Variants in ITGB5 observed in about 807,000 individuals in gnomAD.
ITGB5 encodes integrin beta-5.
ITGB5 carries 38 observed loss-of-function variants against 84.8 expected under a neutral mutation model. The ratio of observed to expected loss-of-function variants is 0.45; its 90% CI spans 0.35 to 0.59. ITGB5 has a LOEUF of 0.59. ITGB5 is among the 20% of genes least tolerant of loss of function. ITGB5 has a pLI of 0.01. For missense variants in ITGB5, 905 were observed against 1,034.5 expected, an observed-to-expected ratio of 0.87 and a Z score of 1.72; for synonymous variants, 393 against 414.4, an observed-to-expected ratio of 0.95 and a Z score of 0.63.
At position 124,772,911 on chromosome 3, in the gene ITGB5, C is replaced by CTTTTTTTTT. The variant is rs35802279; in HGVS notation, c.1916+770_1916+778dup. Among the ~76,000 whole-genome samples the CTTTTTTTTT allele has an allele frequency of 1.6e-5, 2 of 127,328 alleles. 1 individual carries two copies. Among genetic ancestry groups the CTTTTTTTTT allele is most frequent in the Non-Finnish European group, 3.3e-5 (2 of 61,144 alleles). 83.5% of individuals were successfully genotyped at this position (127,328 alleles called of 152,430 possible). On this transcript the variant is annotated intron_variant, in intron 11 of 14. Transcript: ENST00000296181. ...GTCGGGTGCCTTTCTCTCCAATTTA[C>CTTTTTTTTT]TTTTTTTTTTTTTTTTTTTTGAGAC...
chr3:124,809,144 T>G lies in ITGB5; in HGVS notation c.1141A>C (p.Lys381Gln). ...TGATCCCAGACTGACAACTCCACTT[T>G]AGACCGGATACTCTGAATGGAGAGA... Reference protein sequence around the residue: ...IINAYNSIRSKVELSVWDQPE... With the variant: ...IINAYNSIRSQVELSVWDQPE... The change falls in exon 9 of 15, where the codon AAA becomes CAA. Residue 381 changes from lysine to glutamine, a missense_variant. Physicochemically the swap from Lys to Gln is moderately conservative, Grantham distance 53 (BLOSUM62 1). Coordinates refer to ENST00000296181, the MANE Select transcript of ITGB5 (RefSeq NM_002213.5). 1.2e-6 allele frequency: 2 copies of G among 1,614,094 alleles called. No homozygotes were observed. The highest frequency in any genetic ancestry group is 1.7e-6 in the Non-Finnish European group (2 of 1,180,004).
intron 1 of ITGB5, 58 bp downstream of exon 1, chr3:124,886,873 C>A (rs1232629961): frequency 1.2e-5 from 13 of 1,109,864 alleles, no homozygotes; most frequent in Non-Finnish European, 1.5e-5. Flanking sequence ...CCGAGACGCC[C>A]GCCCGCGGCT....
Position 124,799,484 on chromosome 3 carries a change from C to T in ITGB5, c.1264-2667G>A, listed in dbSNP as rs529567907. On this transcript the variant is annotated intron_variant, in intron 9 of 14. Transcript: ENST00000296181. ...CTGAGGTGGGAGGATGGCTTGAGCCCGGGAGGGGGAGGTTGCAGTGAGCCG... is the reference window on the plus strand; with the variant it reads ...CTGAGGTGGGAGGATGGCTTGAGCCTGGGAGGGGGAGGTTGCAGTGAGCCG... Among the ~76,000 whole-genome samples, 279 of 152,078 alleles carry T rather than the reference C, an allele frequency of 1.8e-3. 3 individuals are homozygous for T. Among genetic ancestry groups the T allele is most frequent in the Non-Finnish European group, 4.0e-4 (27 of 68,000 alleles).
intron 9 of ITGB5, among the ~76,000 whole-genome samples, chr3:124,806,533 A>G (rs2064406946): frequency 7.1e-6 from 1 of 141,536 alleles, no homozygotes; most frequent in Non-Finnish European, 1.5e-5. Flanking sequence ...TCCCGGGTTC[A>G]TGCCATTCTC....
At chr3:124,843,386 C>T (rs16836087) in intron 4 of ITGB5, among the ~76,000 whole-genome samples, 3,697 of 152,158 alleles carry the variant, frequency 0.024, 163 homozygotes, top group African/African-American at 0.084. Context: ...CGGTTGGTTG[C>T]GGACAGGGAG....
chr3:124,824,268 G>C (rs953560829), intron 5 of ITGB5, among the ~76,000 whole-genome samples: 1 of 152,162 alleles, frequency 6.6e-6, no homozygotes, highest in African/African-American at 2.4e-5. Flanking sequence ...GGGATAGATA[G>C]AGCAAAAATA....
intron 10 of ITGB5, among the ~76,000 whole-genome samples, chr3:124,782,264 C>G (rs781132228): frequency 6.6e-6 from 1 of 152,152 alleles, no homozygotes; most frequent in East Asian, 1.9e-4. Context: ...TGATCCAAAA[C>G]CACACAGCAG....
At chr3:124,814,994 G>A (rs1292552711) in intron 8 of ITGB5, among the ~76,000 whole-genome samples, 1 of 152,136 alleles carries the variant, frequency 6.6e-6, no homozygotes, top group African/African-American at 2.4e-5. Context: ...CTCCTCTCCT[G>A]GCCTCTGCCT....
At chr3:124,870,367 G>A (rs1933939512) in intron 2 of ITGB5, among the ~76,000 whole-genome samples, 1 of 152,230 alleles carries the variant, frequency 6.6e-6, no homozygotes, top group African/African-American at 2.4e-5. Context: ...GCCATCCAGT[G>A]AAATCCTTTG....
At chr3:124,803,717 CGGCACT>C (rs1559941865) in intron 9 of ITGB5, among the ~76,000 whole-genome samples, 2 of 152,152 alleles carry the variant, frequency 1.3e-5, no homozygotes, top group Non-Finnish European at 2.9e-5. Flanking sequence ...GCTCAGTCAG[CGGCACT>C]CTCCCGTGGA....
chr3:124,827,862 A>C (rs2064805086), intron 5 of ITGB5, among the ~76,000 whole-genome samples: 1 of 152,060 alleles, frequency 6.6e-6, no homozygotes, highest in South Asian at 2.1e-4. Flanking sequence ...CTCCTCGCTC[A>C]TCCTGGCTCA....
intron 10 of ITGB5, among the ~76,000 whole-genome samples, chr3:124,785,690 T>G (rs2064072657): frequency 2.0e-5 from 3 of 152,102 alleles, no homozygotes; most frequent in Admixed American, 2.0e-4. Flanking sequence ...GCTCTATGTC[T>G]TTCATCAAAT....
chr3:124,852,864 T>C (rs975126582), intron 3 of ITGB5, among the ~76,000 whole-genome samples: 1 of 152,088 alleles, frequency 6.6e-6, no homozygotes, highest in Admixed American at 6.5e-5. Flanking sequence ...ATTTTAAAAT[T>C]ATTAGTAGAG....
intron 10 of ITGB5, among the ~76,000 whole-genome samples, chr3:124,774,903 A>G (rs895812704): frequency 6.6e-6 from 1 of 152,136 alleles, no homozygotes; most frequent in Non-Finnish European, 1.5e-5. Flanking sequence ...TGTCCTTGTT[A>G]TATAAGGGGT....
At chr3:124,823,435 G>A (rs1255215388) in intron 5 of ITGB5, among the ~76,000 whole-genome samples, 1 of 151,778 alleles carries the variant, frequency 6.6e-6, no homozygotes, top group Non-Finnish European at 1.5e-5. Context: ...TTAGGAACCT[G>A]GAGTGAGAAG....
At chr3:124,832,350 TGTGGCTGTAAAACTTTGGGGAA>T in intron 5 of ITGB5, among the ~76,000 whole-genome samples, 1 of 152,390 alleles carries the variant, frequency 6.6e-6, no homozygotes, top group South Asian at 2.1e-4. Flanking sequence ...TGCTGCCTTT[TGTGGCTGTAAAACTTTGGGGAA>T]GTTACTTCAC....
At chr3:124,867,172 T>C (rs1036416042) in intron 2 of ITGB5, among the ~76,000 whole-genome samples, 5 of 152,066 alleles carry the variant, frequency 3.3e-5, no homozygotes, top group Non-Finnish European at 5.9e-5. Context: ...ACTAGTCTTC[T>C]CCCATGCCCG....
At chr3:124,869,988 C>A (rs1933910335) in intron 2 of ITGB5, among the ~76,000 whole-genome samples, 1 of 152,250 alleles carries the variant, frequency 6.6e-6, no homozygotes, top group African/African-American at 2.4e-5. Context: ...GCCTTGTCCA[C>A]AAGTCCTCTC....
At chr3:124,835,317 C>T (rs1383800992) in intron 5 of ITGB5, among the ~76,000 whole-genome samples, 1 of 152,200 alleles carries the variant, frequency 6.6e-6, no homozygotes, top group African/African-American at 2.4e-5. Context: ...TGGGATGTCG[C>T]CTCAGAGACC....
Sources: gnomAD v4.1 joint callset for allele counts (sites outside exome capture counted in the v4.1 genomes callset) on GRCh38, gnomAD v4.1.1 for gene constraint, MANE v1.5 for transcripts, NCBI Gene and HGNC (gene_info 2026-07-23, HGNC 2026-07-21) for gene names.